RYR2: variants seen among roughly 807,000 people sequenced by gnomAD.
The protein encoded by RYR2 is ryanodine receptor 2.
In RYR2, 227 loss-of-function variants were observed where a neutral mutation model predicts 601.1. The observed-to-expected ratio is 0.38, with a 90% CI of 0.34 to 0.42. RYR2 has a LOEUF of 0.42. RYR2 is among the 10% of genes least tolerant of loss of function. The pLI is 1.00. For synonymous variants in RYR2, 2,223 were observed against 2,175.1 expected, an observed-to-expected ratio of 1.02 and a Z score of -0.61; for missense variants, 4,646 against 6,156.5, an observed-to-expected ratio of 0.75 and a Z score of 8.21.
At chr1:237,534,670 C>G (rs1668430002) in intron 25 of RYR2, among the ~76,000 whole-genome samples, 1 of 151,966 alleles carries the variant, frequency 6.6e-6, no homozygotes, top group African/African-American at 2.4e-5. Context: ...AAATTATTTA[C>G]TTATTTACCA....
At chr1:237,511,595 C>A in intron 23 of RYR2, 93 bp from the exon 24 acceptor site, 2 of 965,940 alleles carry the variant, frequency 2.1e-6, no homozygotes, top group Non-Finnish European at 3.2e-6. Context: ...TTTCTTCTTG[C>A]CTTCTGCCTC....
chr1:237,824,957 G>A (rs1353290770), intron 101 of RYR2, among the ~76,000 whole-genome samples: 1 of 152,166 alleles, frequency 6.6e-6, no homozygotes, highest in African/African-American at 2.4e-5. Flanking sequence ...CAACTTTCAA[G>A]GGATGTGAAG....
chr1:237,451,626 T>A (rs939841085), intron 14 of RYR2, among the ~76,000 whole-genome samples: 3 of 151,942 alleles, frequency 2.0e-5, no homozygotes, highest in South Asian at 2.1e-4. Context: ...TATAATTTTT[T>A]AATATATTTA....
intron 1 of RYR2, among the ~76,000 whole-genome samples, chr1:237,196,831 G>A (rs1489361952): frequency 2.0e-5 from 3 of 152,066 alleles, no homozygotes; most frequent in Non-Finnish European, 4.4e-5. Context: ...AATTGGAATG[G>A]CATTGAATTT....
intron 13 of RYR2, among the ~76,000 whole-genome samples, chr1:237,444,035 A>G (rs1362211782): frequency 6.6e-6 from 1 of 152,084 alleles, no homozygotes; most frequent in Non-Finnish European, 1.5e-5. Flanking sequence ...TGGAATACCC[A>G]GTTTTGTTTG....
chr1:237,456,731 G>A lies in RYR2; in HGVS notation c.1608G>A (p.Leu536=). The change falls in exon 16 of 105, where the codon TTG becomes TTA. Residue 536 remains leucine, a synonymous_variant. Coordinates refer to ENST00000366574, the MANE Select transcript of RYR2 (RefSeq NM_001035.3). The stretch of plus-strand genomic sequence containing the variant: ...CCATTCTGAATTCTCTGTATGAGTT[G>A]CTGGGTAAGAAGCATGATTGGGTTC... The part of the protein sequence containing the change: ...WKSILNSLYE[L]LAALIRGNRK... 6.2e-7 allele frequency: 1 copy of A among 1,613,310 alleles called. No homozygotes were observed. The highest frequency in any genetic ancestry group is 1.1e-5 in the South Asian group (1 of 91,030).
At chr1:237,675,056 A>G (rs1157008969) in intron 60 of RYR2, among the ~76,000 whole-genome samples, 1 of 152,118 alleles carries the variant, frequency 6.6e-6, no homozygotes, top group Admixed American at 6.6e-5. Flanking sequence ...AATCTAACAT[A>G]TAAGTTATTC....
At position 237,759,985 on chromosome 1, in the gene RYR2, G is replaced by A. The variant is rs746714659; in HGVS notation, c.11402+133G>A. The A allele has an allele frequency of 8.7e-4, 575 of 661,488 alleles. 1 individual carries two copies. Among genetic ancestry groups the A allele is most frequent in the Middle Eastern group, 9.8e-4 (4 of 4,062 alleles). 41.0% of individuals were successfully genotyped at this position (661,488 alleles called of 1,614,324 possible). A position where few individuals can be genotyped will look rare whatever the true frequency, so the allele number is the denominator to read the frequency against. ...AACAACACTTTAAAGTGGGATAATC[G>A]GCAGTGTCTTGTTTTCTATCTTGTT... On this transcript the variant is annotated intron_variant, in intron 83 of 104. Coordinates refer to ENST00000366574, the MANE Select transcript of RYR2 (RefSeq NM_001035.3).
At chr1:237,470,127 C>G (rs1414327485) in intron 17 of RYR2, among the ~76,000 whole-genome samples, 3 of 152,170 alleles carry the variant, frequency 2.0e-5, no homozygotes, top group Non-Finnish European at 2.9e-5. Flanking sequence ...TTTTTCCTCT[C>G]AGTTTCCTTC....
At chr1:237,502,180 A>C (rs1270240711) in intron 21 of RYR2, among the ~76,000 whole-genome samples, 2 of 152,216 alleles carry the variant, frequency 1.3e-5, no homozygotes, top group Non-Finnish European at 2.9e-5. Context: ...AATTACGAGG[A>C]AAATGAAAAA....
At chr1:237,482,912 T>G (rs1433871252) in intron 17 of RYR2, among the ~76,000 whole-genome samples, 1 of 152,194 alleles carries the variant, frequency 6.6e-6, no homozygotes, top group East Asian at 1.9e-4. Context: ...AGTGCAATGA[T>G]ATCTCATTAT....
At chr1:237,775,664 G>A (rs770872857) in intron 87 of RYR2, among the ~76,000 whole-genome samples, 1 of 152,144 alleles carries the variant, frequency 6.6e-6, no homozygotes, top group African/African-American at 2.4e-5. Context: ...TTAATAAAAG[G>A]GGAAGAATTG....
chr1:237,503,042 T>C (rs1337943287), intron 21 of RYR2, among the ~76,000 whole-genome samples: 8 of 152,154 alleles, frequency 5.3e-5, no homozygotes, highest in Non-Finnish European at 1.5e-5. Context: ...GCAGGTGATG[T>C]CTTCACTGAC....
chr1:237,608,574 C>T (rs887655217), intron 35 of RYR2, among the ~76,000 whole-genome samples: 6 of 152,130 alleles, frequency 3.9e-5, no homozygotes, highest in Non-Finnish European at 7.4e-5. Context: ...TGGTGGTGCA[C>T]GCCTTTAGTC....
rs149940443 is a variant in RYR2, at chr1:237,228,644, G to A, written c.49-41853G>A. Among the ~76,000 whole-genome samples the A allele has an allele frequency of 5.3e-5, 8 of 152,210 alleles. No homozygotes were observed. The East Asian group carries it at 1.4e-3, about 26-fold the overall frequency. ...GCTGATTAAGAACATGAACTCTGAGGTTAGACCACCTGAGTTTGAATCTCT... is the reference window on the plus strand; with the variant it reads ...GCTGATTAAGAACATGAACTCTGAGATTAGACCACCTGAGTTTGAATCTCT... On this transcript the variant is annotated intron_variant, in intron 1 of 104. Coordinates refer to ENST00000366574, the MANE Select transcript of RYR2 (RefSeq NM_001035.3).
intron 86 of RYR2, among the ~76,000 whole-genome samples, chr1:237,772,306 T>G (rs1227994355): frequency 6.6e-6 from 1 of 152,222 alleles, no homozygotes; most frequent in African/African-American, 2.4e-5. Flanking sequence ...CTCATTATTT[T>G]ATTTCTGTAA....
intron 1 of RYR2, among the ~76,000 whole-genome samples, chr1:237,085,264 T>C (rs1018310329): frequency 2.6e-5 from 4 of 152,220 alleles, no homozygotes; most frequent in Admixed American, 1.3e-4. Flanking sequence ...TATAAAACTT[T>C]AGTCATTTCA....
Position 237,635,000 on chromosome 1 carries a change from A to G in RYR2, c.6792+8A>G. ...GAGCCGGATCTAGAAAAGGTGAGCA[A>G]TGTTCCTGCCCTGTGTGTTTGTCTG... On this transcript the variant is annotated splice_region_variant and intron_variant, in intron 44 of 104. Coordinates refer to ENST00000366574, the MANE Select transcript of RYR2 (RefSeq NM_001035.3). 1.3e-6 allele frequency: 2 copies of G among 1,561,024 alleles called. No homozygotes were observed. Among genetic ancestry groups the G allele is most frequent in the Non-Finnish European group, 1.7e-6 (2 of 1,145,404 alleles).
chr1:237,570,941 A>G (rs1011844865), intron 29 of RYR2, among the ~76,000 whole-genome samples: 17 of 152,276 alleles, frequency 1.1e-4, no homozygotes, highest in Non-Finnish European at 2.4e-4. Flanking sequence ...AGCCTGGGCA[A>G]CATAGCAAGA....
Sources: gnomAD v4.1 joint callset for allele counts (sites outside exome capture counted in the v4.1 genomes callset) on GRCh38, gnomAD v4.1.1 for gene constraint, MANE v1.5 for transcripts, NCBI Gene and HGNC (gene_info 2026-07-23, HGNC 2026-07-21) for gene names.